The following SIPA1L3 variants were observed in gnomAD, a reference collection of about 807,000 sequenced individuals.
SIPA1L3 encodes signal-induced proliferation-associated 1-like protein 3.
SIPA1L3 carries 59 observed loss-of-function variants against 150.1 expected under a neutral mutation model. That is an observed-to-expected ratio of 0.39 (90% CI 0.32 to 0.49). The LOEUF is 0.49. Ranked by LOEUF, SIPA1L3 falls within the 20% of genes least tolerant of loss-of-function variation. The probability of loss-of-function intolerance (pLI) is 0.86; values close to 1 mark genes in which losing one functional copy is unlikely to be tolerated. For synonymous variants in SIPA1L3, 1,070 were observed against 1,077.6 expected (o/e 0.99, Z 0.14); for missense variants, 2,211 against 2,489.5 (o/e 0.89, Z 2.38).
At chr19:37,994,432 C>T (rs1190961293) in intron 1 of SIPA1L3, among the ~76,000 whole-genome samples, 1 of 152,220 alleles carries the variant, frequency 6.6e-6, no homozygotes, top group African/African-American at 2.4e-5. Flanking sequence ...AGTTGTTTTT[C>T]AGCGGTGGAA....
chr19:38,101,376 A>G, intron 6 of SIPA1L3, 150 bp downstream of exon 6: 1 of 541,150 alleles, frequency 1.8e-6, no homozygotes, highest in Non-Finnish European at 3.2e-6. Context: ...AAGTGCAGCC[A>G]CTTTATTTTT....
rs796784912 is a variant in SIPA1L3 at position 38,086,012 on chromosome 19, C to CA, written c.1535-2699dup. On this transcript the variant is annotated intron_variant, in intron 3 of 21. Coordinates refer to ENST00000222345, the MANE Select transcript of SIPA1L3 (RefSeq NM_015073.3). ...CTCTGTCCCCTCAACCAAAACAAAA[C>CA]AAAAAAAAAACGCTACGGGGAGAAG... 3.4e-3 allele frequency among the ~76,000 whole-genome samples: 508 copies of CA among 148,172 alleles called. 2 individuals carry two copies. Among genetic ancestry groups the CA allele is most frequent in the African/African-American group, 9.1e-3 (366 of 40,164 alleles).
At chr19:37,975,840 C>T (rs1364323891) in intron 1 of SIPA1L3, among the ~76,000 whole-genome samples, 1 of 152,126 alleles carries the variant, frequency 6.6e-6, no homozygotes, top group African/African-American at 2.4e-5. Flanking sequence ...CGCAGTGGCT[C>T]ACGCCTGTAA....
intron 15 of SIPA1L3, among the ~76,000 whole-genome samples, chr19:38,165,650 G>A (rs573645896): frequency 9.2e-5 from 14 of 152,320 alleles, no homozygotes; most frequent in Non-Finnish European, 1.3e-4. Context: ...TACCGTATAC[G>A]GCGATGGTCC....
intron 1 of SIPA1L3, among the ~76,000 whole-genome samples, chr19:37,930,087 C>T (rs925101817): frequency 1.3e-4 from 20 of 148,720 alleles, no homozygotes; most frequent in Admixed American, 8.8e-4. Context: ...TGCAGTGGCG[C>T]GATCTCGGCT....
intron 21 of SIPA1L3, among the ~76,000 whole-genome samples, chr19:38,205,348 C>T (rs1022370775): frequency 6.6e-6 from 1 of 151,220 alleles, no homozygotes; most frequent in Admixed American, 6.6e-5. Flanking sequence ...ATCCCAGCTA[C>T]TTGGGAAGCT....
chr19:37,947,696 A>T (rs2046725409), intron 1 of SIPA1L3, among the ~76,000 whole-genome samples: 1 of 152,184 alleles, frequency 6.6e-6, no homozygotes, highest in South Asian at 2.1e-4. Flanking sequence ...AAGAAAACCG[A>T]AGCACAAAGA....
At chr19:38,008,385 G>A (rs1968014367) in intron 1 of SIPA1L3, among the ~76,000 whole-genome samples, 1 of 151,658 alleles carries the variant, frequency 6.6e-6, no homozygotes, top group South Asian at 2.1e-4. Context: ...CTGCCACCAT[G>A]CCCAGCTAAT....
chr19:38,152,789 T>G, intron 12 of SIPA1L3, 51 bp from the exon 13 acceptor site: 1 of 1,549,924 alleles, frequency 6.5e-7, no homozygotes, highest in Non-Finnish European at 8.8e-7. Context: ...CAGGTGGTTT[T>G]CGACATAGGC....
At chr19:38,048,751 C>T (rs923523558) in intron 2 of SIPA1L3, among the ~76,000 whole-genome samples, 1 of 152,142 alleles carries the variant, frequency 6.6e-6, no homozygotes, top group South Asian at 2.1e-4. Context: ...TAGTGACTTG[C>T]GTCCAATTTC....
intron 2 of SIPA1L3, among the ~76,000 whole-genome samples, chr19:38,059,167 ATT>A (rs557869767): frequency 4.2e-5 from 6 of 141,912 alleles, no homozygotes; most frequent in Admixed American, 1.4e-4. Flanking sequence ...TACTCAGCTC[ATT>A]TTTTTTTTTT....
At chr19:38,141,024 C>T (rs1344706120) in intron 10 of SIPA1L3, among the ~76,000 whole-genome samples, 160 bp from the exon 11 acceptor site, 1 of 142,684 alleles carries the variant, frequency 7.0e-6, no homozygotes, top group South Asian at 2.2e-4. Flanking sequence ...TGCCGCTGTA[C>T]TCCAGCCTGG....
intron 1 of SIPA1L3, among the ~76,000 whole-genome samples, chr19:37,921,434 C>G (rs1420763829): frequency 6.6e-6 from 1 of 152,110 alleles, no homozygotes; most frequent in Non-Finnish European, 1.5e-5. Context: ...CCTGCCAGTG[C>G]TGGCGCCGTT....
chr19:38,195,631 C>T (rs1056276082), intron 18 of SIPA1L3, among the ~76,000 whole-genome samples: 4 of 152,160 alleles, frequency 2.6e-5, no homozygotes, highest in African/African-American at 4.8e-5. Context: ...GCGGCCACCA[C>T]GGAGAGGTGG....
chr19:38,133,127 G>A (rs1600114953), intron 10 of SIPA1L3, among the ~76,000 whole-genome samples: 2 of 151,914 alleles, frequency 1.3e-5, no homozygotes, highest in East Asian at 3.9e-4. Context: ...GATGTCTTTC[G>A]GCCGCAGCAC....
intron 1 of SIPA1L3, among the ~76,000 whole-genome samples, chr19:37,961,769 T>C (rs1203363191): frequency 6.6e-6 from 1 of 152,152 alleles, no homozygotes; most frequent in Admixed American, 6.5e-5. Flanking sequence ...CCTTTGATGA[T>C]GTCCCTCATG....
intron 1 of SIPA1L3, among the ~76,000 whole-genome samples, chr19:38,015,568 A>G (rs949766465): frequency 2.6e-5 from 4 of 151,904 alleles, no homozygotes; most frequent in Non-Finnish European, 4.4e-5. Flanking sequence ...TACAAAATAT[A>G]CAAAAACTAG....
intron 1 of SIPA1L3, among the ~76,000 whole-genome samples, chr19:38,006,827 T>C (rs1312499331): frequency 6.6e-6 from 1 of 152,140 alleles, no homozygotes; most frequent in Non-Finnish European, 1.5e-5. Flanking sequence ...TGTTCCCAAG[T>C]GTGAGAAGTG....
At chr19:38,008,425 C>T (rs1302753927) in intron 1 of SIPA1L3, among the ~76,000 whole-genome samples, 1 of 151,750 alleles carries the variant, frequency 6.6e-6, no homozygotes, top group Non-Finnish European at 1.5e-5. Context: ...GACACGGTTT[C>T]ACCATATTGG....
Sources: allele counts gnomAD v4.1 joint callset (sites outside exome capture counted in the v4.1 genomes callset), GRCh38; gene constraint gnomAD v4.1.1; transcripts MANE v1.5; gene names NCBI Gene and HGNC (gene_info 2026-07-23, HGNC 2026-07-21).